The following ADAMTS20 variants were observed in gnomAD, a reference collection of about 807,000 sequenced individuals.
The protein encoded by ADAMTS20 is ADAM metallopeptidase with thrombospondin type 1 motif 20.
In ADAMTS20, 225 loss-of-function variants were observed where a neutral mutation model predicts 260.1. That is an observed-to-expected ratio of 0.87 (90% CI 0.78 to 0.97). The LOEUF is 0.97. ADAMTS20 is among the 50% of genes least tolerant of loss of function. The probability of loss-of-function intolerance (pLI) is 0.00; values close to 1 mark genes in which losing one functional copy is unlikely to be tolerated. For synonymous variants in ADAMTS20, 802 were observed against 769.5 expected, an observed-to-expected ratio of 1.04 and a Z score of -0.70; for missense variants, 2,400 against 2,337.7, an observed-to-expected ratio of 1.03 and a Z score of -0.55.
chr12:43,429,938 TTTGA>T (rs1255646567), intron 23 of ADAMTS20, among the ~76,000 whole-genome samples: 3 of 152,162 alleles, frequency 2.0e-5, no homozygotes, highest in Admixed American at 6.6e-5. Flanking sequence ...GACCATTCTG[TTTGA>T]TTGCTGAAAA....
intron 14 of ADAMTS20, among the ~76,000 whole-genome samples, chr12:43,451,735 C>T (rs889730029): frequency 6.6e-6 from 1 of 152,064 alleles, no homozygotes; most frequent in Admixed American, 6.6e-5. Flanking sequence ...CTATTTCCCC[C>T]ACAAATCTGT....
In ADAMTS20 at chr12:43,492,458, G is replaced by C. The variant is rs754071269; in HGVS notation, c.1076+47C>G. The C allele has an allele frequency of 5.7e-6, 9 of 1,586,910 alleles. No individual in the cohort carries two copies. The African/African-American group carries it at 1.1e-4, about 19-fold the overall frequency. ...AAGAAGAAGTATCAGTCATGCAGGA[G>C]GGAAGAGTAAAGGATTGTATGGGAA... is the stretch of plus-strand genomic sequence containing the variant. On this transcript the variant is annotated intron_variant, in intron 6 of 38. Transcript: ENST00000389420.
intron 28 of ADAMTS20, among the ~76,000 whole-genome samples, chr12:43,409,438 T>C (rs1940983018): frequency 1.3e-5 from 2 of 149,976 alleles, no homozygotes; most frequent in Admixed American, 6.6e-5. Flanking sequence ...TCGTCTCTAC[T>C]AAAAATACAA....
rs139302133 is a variant in ADAMTS20 at position 43,484,093 on chromosome 12, G to A, written c.1117+6302C>T. On this transcript the variant is annotated intron_variant, in intron 7 of 38. Transcript: ENST00000389420. ...CATACTGAGTCCACCACTGAAAGCA[G>A]CCAGAACCAAAGCTAGGTGACAATA... is the stretch of plus-strand genomic sequence containing the variant. 8.4e-4 allele frequency among the ~76,000 whole-genome samples: 128 copies of A among 152,168 alleles called. 2 individuals carry two copies. Among genetic ancestry groups the A allele is most frequent in the African/African-American group, 2.7e-3 (113 of 41,508 alleles).
At chr12:43,545,147 T>A (rs1943426094) in intron 2 of ADAMTS20, among the ~76,000 whole-genome samples, 1 of 152,180 alleles carries the variant, frequency 6.6e-6, no homozygotes, top group Admixed American at 6.5e-5. Flanking sequence ...TTACTTTAAA[T>A]AGCCTCTCTT....
At chr12:43,422,269 T>C (rs907268484) in intron 28 of ADAMTS20, among the ~76,000 whole-genome samples, 1 of 152,054 alleles carries the variant, frequency 6.6e-6, no homozygotes, top group African/African-American at 2.4e-5. Flanking sequence ...AAAATGTTTC[T>C]GAGATTTCAT....
rs187650621 is a variant in ADAMTS20, at chr12:43,428,537, C to A, written c.3655-6G>T. ...TGGCCACAGGAAGCTGAACACTGATCAAAAATTTAGCCAATGGTAATATAC... is the reference window on the plus strand; with the variant it reads ...TGGCCACAGGAAGCTGAACACTGATAAAAAATTTAGCCAATGGTAATATAC... On this transcript the variant is annotated splice_polypyrimidine_tract_variant and splice_region_variant and intron_variant, in intron 25 of 38. Coordinates refer to ENST00000389420, the MANE Select transcript of ADAMTS20 (RefSeq NM_025003.5). 424 of 1,605,908 alleles carry A rather than the reference C, an allele frequency of 2.6e-4. 2 individuals carry two copies. The highest frequency in any genetic ancestry group is 2.5e-3 in the African/African-American group (185 of 74,786).
Position 43,420,837 on chromosome 12 carries a change from T to TTC in ADAMTS20, c.4284+4676_4284+4677insGA, listed in dbSNP as rs1565689341. Among the ~76,000 whole-genome samples the TTC allele has an allele frequency of 5.0e-4, 70 of 140,620 alleles. 1 individual carries two copies. The highest frequency in any genetic ancestry group is 1.6e-3 in the African/African-American group (63 of 38,362). 92.3% of individuals were successfully genotyped at this position (140,620 alleles called of 152,430 possible). ...TTTTTTTTTTTTTTGAGATGGGGTC[T>TTC]CGGTCTGTCACGCAGGCTGGAATGC... On this transcript the variant is annotated intron_variant, in intron 28 of 38. Coordinates refer to ENST00000389420, the MANE Select transcript of ADAMTS20 (RefSeq NM_025003.5).
intron 7 of ADAMTS20, among the ~76,000 whole-genome samples, chr12:43,489,493 A>G (rs1942571024): frequency 6.6e-6 from 1 of 152,002 alleles, no homozygotes; most frequent in African/African-American, 2.4e-5. Flanking sequence ...AAATATATGA[A>G]AAGATGCTTG....
At chr12:43,443,270 A>G (rs370561067) in intron 16 of ADAMTS20, among the ~76,000 whole-genome samples, 2 of 152,226 alleles carry the variant, frequency 1.3e-5, no homozygotes, top group South Asian at 4.1e-4. Flanking sequence ...ACATAAATTA[A>G]GTTTATACTT....
chr12:43,439,363 T>C (rs546905504), intron 18 of ADAMTS20, among the ~76,000 whole-genome samples: 14 of 151,858 alleles, frequency 9.2e-5, no homozygotes, highest in Admixed American at 4.6e-4. Context: ...AAAAAGAGAA[T>C]GAGAACGGGA....
chr12:43,468,053 AC>A (rs1436174416), intron 8 of ADAMTS20, among the ~76,000 whole-genome samples: 1 of 151,956 alleles, frequency 6.6e-6, no homozygotes, highest in Non-Finnish European at 1.5e-5. Context: ...ACAACACAGA[AC>A]CCCAGCATAT....
At chr12:43,388,834 T>G (rs1283481980) in intron 29 of ADAMTS20, among the ~76,000 whole-genome samples, 1 of 152,156 alleles carries the variant, frequency 6.6e-6, no homozygotes, top group African/African-American at 2.4e-5. Flanking sequence ...AGGCTGGAAT[T>G]TCAAGATCAA....
chr12:43,356,489 A>C lies in ADAMTS20; in HGVS notation c.5638T>G (p.Ser1880Ala). 2.5e-6 allele frequency: 4 copies of C among 1,602,020 alleles called. No individual in the cohort carries two copies. The highest frequency in any genetic ancestry group is 3.4e-6 in the Non-Finnish European group (4 of 1,172,912). ...TTTGGTCCCGCAGGACTTACCTCTG[A>C]TCTTCGTATGCTGACAGAGGTATAA... ...GSYTSVSIRR[S>A]EDGTRFFGKC... Residue 1880 changes from serine to alanine, a missense_variant, in exon 38 of 39, where the codon TCA becomes GCA. Coordinates refer to ENST00000389420, the MANE Select transcript of ADAMTS20 (RefSeq NM_025003.5).
At chr12:43,443,415 T>TA (rs1005224588) in intron 16 of ADAMTS20, among the ~76,000 whole-genome samples, 13 of 151,232 alleles carry the variant, frequency 8.6e-5, no homozygotes, top group African/African-American at 2.7e-4. Flanking sequence ...AGCTACATAG[T>TA]AAAAAAAAAT....
chr12:43,375,637 C>G (rs1181993355), intron 35 of ADAMTS20, 125 bp from the exon 36 acceptor site: 4 of 1,101,650 alleles, frequency 3.6e-6, no homozygotes, highest in Non-Finnish European at 5.2e-6. Context: ...ACAAGTTAAA[C>G]AAGAAAGAAG....
intron 28 of ADAMTS20, among the ~76,000 whole-genome samples, chr12:43,417,124 G>A (rs538511671): frequency 1.3e-5 from 2 of 152,302 alleles, no homozygotes; most frequent in South Asian, 4.1e-4. Flanking sequence ...GTGCCTGGTA[G>A]ATATGGGATC....
intron 28 of ADAMTS20, among the ~76,000 whole-genome samples, chr12:43,403,628 C>T (rs950575784): frequency 1.4e-4 from 22 of 151,916 alleles, no homozygotes; most frequent in African/African-American, 5.3e-4. Flanking sequence ...AGATGAAAGG[C>T]ATTTTTTTTT....
intron 36 of ADAMTS20, among the ~76,000 whole-genome samples, chr12:43,374,766 A>G (rs752230433): frequency 1.3e-5 from 2 of 152,218 alleles, no homozygotes; most frequent in African/African-American, 2.4e-5. Flanking sequence ...AGCTTCCACA[A>G]GTAGACCGAG....
Sources: allele counts gnomAD v4.1 joint callset (sites outside exome capture counted in the v4.1 genomes callset), GRCh38; gene constraint gnomAD v4.1.1; transcripts MANE v1.5; gene names NCBI Gene and HGNC (gene_info 2026-07-23, HGNC 2026-07-21).